Variants in CFHR3 observed in about 807,000 individuals in gnomAD.
CFHR3 encodes complement factor H related 3, also known as complement factor H-related protein 3.
A neutral mutation model predicts 36.0 loss-of-function variants in CFHR3; 22 were observed. The ratio of observed to expected loss-of-function variants is 0.61; its 90% CI spans 0.44 to 0.87. The LOEUF is 0.87. Among genes scored for constraint, CFHR3 ranks in the 40% least tolerant of loss-of-function variants. CFHR3 has a pLI of 0.00. For synonymous variants in CFHR3, 97 were observed against 137.4 expected (o/e 0.71, Z 2.06); for missense variants, 276 against 401.3 (o/e 0.69, Z 2.67).
rs1486093007 is a variant in CFHR3, at chr1:196,787,458, T to C, written c.431-758T>C. ...CATGATTTCTTTTTCTTTCAGATAG[T>C]AAAATTGGTCCATTTACATTTGTTT... On this transcript the variant is annotated intron_variant, in intron 3 of 5. Transcript: ENST00000367425. Among the ~76,000 whole-genome samples, 3 of 137,114 alleles carry C rather than the reference T, an allele frequency of 2.2e-5. 1 individual carries two copies. Among genetic ancestry groups the C allele is most frequent in the African/African-American group, 6.1e-5 (2 of 32,774 alleles). 90.0% of individuals were successfully genotyped at this position (137,114 alleles called of 152,430 possible).
chr1:196,776,607 A>T (rs1359635127), intron 1 of CFHR3, among the ~76,000 whole-genome samples: 1 of 136,422 alleles, frequency 7.3e-6, no homozygotes, highest in Non-Finnish European at 1.6e-5. Flanking sequence ...CGCAAGGCAT[A>T]GAGAGAAAAC....
rs1366065515 is a variant in CFHR3 at position 196,794,607 on chromosome 1, T to A, written c.*1094T>A. 1.4e-4 allele frequency: 53 copies of A among 390,592 alleles called. 3 individuals are homozygous for A. Among genetic ancestry groups the A allele is most frequent in the Non-Finnish European group, 2.5e-4 (50 of 201,178 alleles). The allele number at this position is 390,592 out of a possible 1,614,324, so 24.2% of individuals were successfully genotyped here. On this transcript the variant is annotated 3_prime_UTR_variant, in exon 6 of 6. Transcript: ENST00000367425. ...GGTTTTTTGCATTTCTTATTAAGTT[T>A]TGCTTCAGATTTTTTTTTGTCTTTT...
rs185658922 is a variant in CFHR3 at position 196,778,453 on chromosome 1, A to G, written c.59-709A>G. On this transcript the variant is annotated intron_variant, in intron 1 of 5. Transcript: ENST00000367425. Reference sequence around the variant, plus strand: ...TCTATCACTTGTTCCAGAATTATAGAAGAAACATAAATTATATGCTATTTA... The same window carrying G: ...TCTATCACTTGTTCCAGAATTATAGGAGAAACATAAATTATATGCTATTTA... 2.7e-4 allele frequency among the ~76,000 whole-genome samples: 37 copies of G among 137,390 alleles called. 4 individuals are homozygous for G. Among genetic ancestry groups the G allele is most frequent in the Admixed American group, 2.3e-3 (32 of 14,150 alleles). The allele number at this position is 137,390 out of a possible 152,430, so 90.1% of individuals were successfully genotyped here.
intron 1 of CFHR3, among the ~76,000 whole-genome samples, chr1:196,776,766 T>C (rs1653737661): frequency 7.4e-6 from 1 of 135,886 alleles, no homozygotes; most frequent in African/African-American, 3.1e-5. Context: ...AGATGAATAC[T>C]ATGATATTTA....
rs115005529 is a variant in CFHR3 at position 196,794,321 on chromosome 1, G to A, written c.*808G>A. 9.1e-3 allele frequency among the ~76,000 whole-genome samples: 1,240 copies of A among 136,108 alleles called. 216 individuals carry two copies. Among genetic ancestry groups the A allele is most frequent in the Non-Finnish European group, 0.014 (916 of 64,268 alleles). 89.3% of individuals were successfully genotyped at this position (136,108 alleles called of 152,430 possible). ...CTACTAAAAATAGAAAAACTAGCTC[G>A]GCATGATGGCGTGCACCTGTAGTCC... On this transcript the variant is annotated 3_prime_UTR_variant, in exon 6 of 6. Coordinates refer to ENST00000367425, the MANE Select transcript of CFHR3 (RefSeq NM_021023.6).
At chr1:196,775,064 A>G in intron 1 of CFHR3, 120 bp downstream of exon 1, 1 of 857,368 alleles carries the variant, frequency 1.2e-6, no homozygotes, top group Admixed American at 2.1e-5. Flanking sequence ...CTATGCTAGT[A>G]GAAGTGACAT....
At position 196,785,593 on chromosome 1, in the gene CFHR3, C is replaced by T. The variant is rs1417167157; in HGVS notation, c.431-2623C>T. On this transcript the variant is annotated intron_variant, in intron 3 of 5. Coordinates refer to ENST00000367425, the MANE Select transcript of CFHR3 (RefSeq NM_021023.6). ...TGATACCCTTTCTTCCAGATGATCA[C>T]ATCGGCTCCTGAGGCTTCTGTATTC... 3.6e-5 allele frequency among the ~76,000 whole-genome samples: 5 copies of T among 137,442 alleles called. No homozygotes were observed. In the East Asian group the frequency reaches 9.7e-4, roughly 27 times the overall value. 90.2% of individuals were successfully genotyped at this position (137,442 alleles called of 152,430 possible).
Position 196,782,698 on chromosome 1 carries a change from T to C in CFHR3, c.430+2725T>C, listed in dbSNP as rs1038789995. ...AAGTTGCTAATCAGCTTTAGGAGAT[T>C]TTGGGCTGAGACAATGGGGTTTTCT... On this transcript the variant is annotated intron_variant, in intron 3 of 5. Coordinates refer to ENST00000367425, the MANE Select transcript of CFHR3 (RefSeq NM_021023.6). Among the ~76,000 whole-genome samples the C allele has an allele frequency of 3.6e-5, 5 of 136,998 alleles. 2 individuals carry two copies. The highest frequency in any genetic ancestry group is 1.5e-4 in the African/African-American group (5 of 32,670). The allele number at this position is 136,998 out of a possible 152,430, so 89.9% of individuals were successfully genotyped here. A position where few individuals can be genotyped will look rare whatever the true frequency, so the allele number is the denominator to read the frequency against.
chr1:196,789,059 G>T, intron 4 of CFHR3: 1 of 1,155,422 alleles, frequency 8.7e-7, no homozygotes. Flanking sequence ...AATGCATAAT[G>T]AACAAAGGAA....
At chr1:196,783,621 T>C (rs1654060299) in intron 3 of CFHR3, among the ~76,000 whole-genome samples, 1 of 134,338 alleles carries the variant, frequency 7.4e-6, no homozygotes, top group African/African-American at 3.2e-5. Flanking sequence ...CTGATGGTAG[T>C]TTGTATTTCT....
At position 196,787,604 on chromosome 1, in the gene CFHR3, AATAT is replaced by A. The variant is rs986677785; in HGVS notation, c.431-608_431-605del. On this transcript the variant is annotated intron_variant, in intron 3 of 5. Transcript: ENST00000367425. ...TAATGTATAGAACACATACATTACTAATATATAAAGAACAAATACATTGCTAATA... is the reference window on the plus strand; with the variant it reads ...TAATGTATAGAACACATACATTACTAATAAAGAACAAATACATTGCTAATA... 5.4e-4 allele frequency among the ~76,000 whole-genome samples: 74 copies of A among 137,134 alleles called. 18 individuals carry two copies. Among genetic ancestry groups the A allele is most frequent in the African/African-American group, 2.3e-3 (74 of 32,806 alleles). 90.0% of individuals were successfully genotyped at this position (137,134 alleles called of 152,430 possible).
chr1:196,789,224 T>A lies in CFHR3; in HGVS notation c.614-821T>A, dbSNP rs1396710383. The A allele has an allele frequency of 5.8e-6, 5 of 865,216 alleles. 1 individual carries two copies. The African/African-American group carries it at 1.2e-4, about 20-fold the overall frequency. The allele number at this position is 865,216 out of a possible 1,614,324, so 53.6% of individuals were successfully genotyped here. A position where few individuals can be genotyped will look rare whatever the true frequency, so the allele number is the denominator to read the frequency against. On this transcript the variant is annotated intron_variant, in intron 4 of 5. Coordinates refer to ENST00000367425, the MANE Select transcript of CFHR3 (RefSeq NM_021023.6). ...TTCATTTTCAAGGGTACAATTCAAC[T>A]ATTTTTAGTCATGAGATAATATGGA...
At chr1:196,779,061 A>C in intron 1 of CFHR3, 101 bp from the exon 2 acceptor site, 2 of 964,196 alleles carry the variant, frequency 2.1e-6, no homozygotes, top group South Asian at 1.7e-5. Flanking sequence ...CTGTAATTCC[A>C]CAAGAAAATG....
rs752465342 is a variant in CFHR3, at chr1:196,788,280, T to C, written c.495T>C (p.Tyr165=). ...NGFISESSSI[Y]ILNKEIQYKC... ...TCATTTCCGAATCTTCCTCTATTTA[T>C]ATTTTAAATAAAGAAATACAATATA... The change falls in exon 4 of 6, where the codon TAT becomes TAC. Residue 165 remains tyrosine (Y), a synonymous_variant. Transcript: ENST00000367425. 7.2e-7 allele frequency: 1 copy of C among 1,387,690 alleles called. No individual in the cohort carries two copies. Among genetic ancestry groups the C allele is most frequent in the Non-Finnish European group, 9.7e-7 (1 of 1,031,040 alleles). 86.0% of individuals were successfully genotyped at this position (1,387,690 alleles called of 1,614,324 possible).
At chr1:196,790,597 G>A (rs1654386923) in intron 5 of CFHR3, among the ~76,000 whole-genome samples, 1 of 135,658 alleles carries the variant, frequency 7.4e-6, no homozygotes, top group African/African-American at 3.1e-5. Flanking sequence ...GCTGGCATAT[G>A]CCTGTAATCC....
chr1:196,793,191 T>G, intron 5 of CFHR3, 126 bp from the exon 6 acceptor site: 1 of 943,570 alleles, frequency 1.1e-6, no homozygotes, highest in East Asian at 3.0e-5. Flanking sequence ...GTAGCACAAG[T>G]TAATAACTAT....
intron 1 of CFHR3, among the ~76,000 whole-genome samples, chr1:196,775,671 T>G (rs1184287118): frequency 7.3e-6 from 1 of 137,312 alleles, no homozygotes; most frequent in East Asian, 1.9e-4. Flanking sequence ...ATTAATTATC[T>G]TTTTGAATGC....
rs2124860173 is a variant in CFHR3, at chr1:196,788,451, T to C, written c.613+53T>C. The C allele has an allele frequency of 1.3e-6, 2 of 1,509,106 alleles. 1 individual carries two copies. Among genetic ancestry groups the C allele is most frequent in the South Asian group, 2.6e-5 (2 of 77,522 alleles). 93.5% of individuals were successfully genotyped at this position (1,509,106 alleles called of 1,614,324 possible). On this transcript the variant is annotated intron_variant, in intron 4 of 5. Transcript: ENST00000367425. ...TTTCTGTCAACTTCGTTCCTCTCTT[T>C]GAGATGATAGTGTTTTACTTAAAAA...
At chr1:196,793,180 T>C (rs1312322837) in intron 5 of CFHR3, 137 bp from the exon 6 acceptor site, 2 of 850,438 alleles carry the variant, frequency 2.4e-6, no homozygotes, top group Non-Finnish European at 3.3e-6. Context: ...AACGTCAGTA[T>C]GTAGCACAAG....
Sources: allele counts gnomAD v4.1 joint callset (sites outside exome capture counted in the v4.1 genomes callset), GRCh38; gene constraint gnomAD v4.1.1; transcripts MANE v1.5; gene names NCBI Gene and HGNC (gene_info 2026-07-23, HGNC 2026-07-21).